Variants in ZSCAN21 observed in about 807,000 individuals in gnomAD.
The protein encoded by ZSCAN21 is zinc finger and SCAN domain-containing protein 21.
A neutral mutation model predicts 35.6 loss-of-function variants in ZSCAN21; 26 were observed. The ratio of observed to expected loss-of-function variants is 0.73; its 90% CI spans 0.54 to 1.01. ZSCAN21 has a LOEUF of 1.01. Ranked by LOEUF, ZSCAN21 falls within the 50% of genes least tolerant of loss-of-function variation. ZSCAN21 has a pLI of 0.00. For missense variants in ZSCAN21, 593 were observed against 587.1 expected (o/e 1.01, Z -0.10); for synonymous variants, 219 against 219.3 (o/e 1.00, Z 0.01).
intron 1 of ZSCAN21, among the ~76,000 whole-genome samples, chr7:100,056,468 AT>A (rs67965281): frequency 9.6e-4 from 142 of 147,258 alleles, no homozygotes; most frequent in Middle Eastern, 3.5e-3. Context: ...TTGCAGAAAG[AT>A]TTTTTTTTTT....
At chr7:100,051,143 A>C (rs1584366637) in intron 1 of ZSCAN21, among the ~76,000 whole-genome samples, 1 of 127,626 alleles carries the variant, frequency 7.8e-6, no homozygotes, top group Non-Finnish European at 1.6e-5. Context: ...GCGCCATTGC[A>C]CTCCAGCCTG....
In ZSCAN21 at chr7:100,064,931, T is replaced by C. The variant is rs373893832; in HGVS notation, c.*314T>C. 1 of 1,610,404 alleles carries C rather than the reference T, an allele frequency of 6.2e-7. No homozygotes were observed. Among genetic ancestry groups the C allele is most frequent in the African/African-American group, 1.3e-5 (1 of 74,932 alleles). ...ATCCAGTCTAGTTAAGGAAGAAACA[T>C]TAAGATTGTTTAATTTTTAACATAT... is the stretch of plus-strand genomic sequence containing the variant. On this transcript the variant is annotated 3_prime_UTR_variant, in exon 4 of 4. Transcript: ENST00000292450.
intron 3 of ZSCAN21, among the ~76,000 whole-genome samples, chr7:100,062,065 C>T (rs1431756819): frequency 1.3e-5 from 2 of 152,096 alleles, no homozygotes; most frequent in Admixed American, 6.6e-5. Context: ...TTGGAGATCA[C>T]GTGCTTTCAT....
At chr7:100,055,295 T>G (rs902382250) in intron 1 of ZSCAN21, among the ~76,000 whole-genome samples, 13 of 151,688 alleles carry the variant, frequency 8.6e-5, no homozygotes, top group Non-Finnish European at 1.3e-4. Context: ...GACAGAGTTT[T>G]GCTCTGTCAC....
chr7:100,060,775 G>A (rs767708400), intron 3 of ZSCAN21, among the ~76,000 whole-genome samples: 13 of 146,906 alleles, frequency 8.8e-5, no homozygotes, highest in African/African-American at 1.5e-4. Context: ...CAGGGGAATC[G>A]CTTGAACTTG....
chr7:100,056,966 C>T lies in ZSCAN21; in HGVS notation c.-41C>T. ...CCCAAAGGAACGAATATTCCTGCCC[C>T]ACAGAGTCCCATCTTTGGTGAGGCT... On this transcript the variant is annotated 5_prime_UTR_variant, in exon 2 of 4. Coordinates refer to ENST00000292450, the MANE Select transcript of ZSCAN21 (RefSeq NM_145914.3). The T allele has an allele frequency of 6.5e-7, 1 of 1,527,926 alleles. No homozygotes were observed. The highest frequency in any genetic ancestry group is 8.8e-7 in the Non-Finnish European group (1 of 1,137,846). 94.6% of individuals were successfully genotyped at this position (1,527,926 alleles called of 1,614,324 possible). A position where few individuals can be genotyped will look rare whatever the true frequency, so the allele number is the denominator to read the frequency against.
chr7:100,051,289 T>C (rs1180825640), intron 1 of ZSCAN21, among the ~76,000 whole-genome samples: 268 of 58,490 alleles, frequency 4.6e-3, no homozygotes, highest in African/African-American at 0.014. Flanking sequence ...TTTCTTTTTT[T>C]TTTTTTTTTT....
intron 1 of ZSCAN21, among the ~76,000 whole-genome samples, chr7:100,053,293 C>CA: frequency 6.6e-6 from 1 of 151,978 alleles, no homozygotes; most frequent in Admixed American, 6.6e-5. Flanking sequence ...ACCAAGTTCT[C>CA]AGAGTGTATC....
chr7:100,064,215 T>C lies in ZSCAN21; in HGVS notation c.1020T>C (p.Ala340=), dbSNP rs1792509993. Residue 340 remains alanine, a synonymous_variant, in exon 4 of 4, where the codon GCT becomes GCC. Transcript: ENST00000292450. ...CCTATGACTGTAAGTGTGGAAAAGC[T>C]TTTGGGCAGAGCTCAGACCTTCTTA... ...DRPYDCKCGK[A]FGQSSDLLKH... The C allele has an allele frequency of 1.9e-6, 3 of 1,613,956 alleles. No individual in the cohort carries two copies. The highest frequency in any genetic ancestry group is 2.5e-6 in the Non-Finnish European group (3 of 1,179,988).
At chr7:100,062,941 A>G (rs986769730) in intron 3 of ZSCAN21, among the ~76,000 whole-genome samples, 2 of 152,220 alleles carry the variant, frequency 1.3e-5, no homozygotes, top group African/African-American at 4.8e-5. Context: ...GGCCAGCACA[A>G]TCATGGCTCA....
intron 3 of ZSCAN21, among the ~76,000 whole-genome samples, chr7:100,061,776 T>C (rs1792298003): frequency 6.6e-6 from 1 of 152,170 alleles, no homozygotes; most frequent in African/African-American, 2.4e-5. Flanking sequence ...GGGCGGTTCC[T>C]AGGGAAGGGG....
Position 100,051,282 on chromosome 7 carries a change from C to CTTTTTTTTTTTTTTTTTTTTTTT in ZSCAN21, c.-97+1448_-97+1470dup, listed in dbSNP as rs1164734568. Reference sequence around the variant, plus strand: ...GGCTGCCTAGGGATCTAGGGATTTTCTTTTTTTTTTTTTTTTTTTTTTTTT... The same window carrying CTTTTTTTTTTTTTTTTTTTTTTT: ...GGCTGCCTAGGGATCTAGGGATTTTCTTTTTTTTTTTTTTTTTTTTTTTTTTTTTTTTTTTTTTTTTTTTTTTT... On this transcript the variant is annotated intron_variant, in intron 1 of 3. Transcript: ENST00000292450. 1.5e-3 allele frequency among the ~76,000 whole-genome samples: 53 copies of CTTTTTTTTTTTTTTTTTTTTTTT among 34,966 alleles called. 19 individuals carry two copies. Among genetic ancestry groups the CTTTTTTTTTTTTTTTTTTTTTTT allele is most frequent in the South Asian group, 3.6e-3 (2 of 554 alleles). The allele number at this position is 34,966 out of a possible 152,430, so 22.9% of individuals were successfully genotyped here. A position where few individuals can be genotyped will look rare whatever the true frequency, so the allele number is the denominator to read the frequency against.
At chr7:100,051,178 C>CAAAA (rs369246193) in intron 1 of ZSCAN21, among the ~76,000 whole-genome samples, 1,008 of 41,354 alleles carry the variant, frequency 0.024, 116 homozygotes, top group Non-Finnish European at 0.03. Flanking sequence ...AACTACGTCT[C>CAAAA]AAAAAAAAAA....
intron 1 of ZSCAN21, chr7:100,051,382 CT>C: frequency 7.1e-6 from 1 of 141,430 alleles, no homozygotes; most frequent in East Asian, 2.3e-4. Flanking sequence ...CAAGCTCCGC[CT>C]CCCGGGTTCT....
chr7:100,050,458 G>A (rs1197720027), intron 1 of ZSCAN21, among the ~76,000 whole-genome samples: 1 of 152,036 alleles, frequency 6.6e-6, no homozygotes, highest in Non-Finnish European at 1.5e-5. Context: ...TGTAATCCCA[G>A]CAGTTCGGGA....
rs779169598 is a variant in ZSCAN21 at position 100,064,936 on chromosome 7, ATTGT to A, written c.*322_*325del. 1.9e-5 allele frequency: 31 copies of A among 1,610,618 alleles called. No individual in the cohort carries two copies. The highest frequency in any genetic ancestry group is 2.5e-5 in the Non-Finnish European group (29 of 1,178,282). On this transcript the variant is annotated 3_prime_UTR_variant, in exon 4 of 4. Coordinates refer to ENST00000292450, the MANE Select transcript of ZSCAN21 (RefSeq NM_145914.3). ...GTCTAGTTAAGGAAGAAACATTAAG[ATTGT>A]TTAATTTTTAACATATATTCAAGAA...
rs767375996 is a variant in ZSCAN21 at position 100,064,429 on chromosome 7, G to T, written c.1234G>T (p.Gly412Ter). The T allele has an allele frequency of 1.2e-6, 2 of 1,613,972 alleles. No individual in the cohort carries two copies. The highest frequency in any genetic ancestry group is 1.7e-6 in the Non-Finnish European group (2 of 1,180,008). Reference sequence around the variant, plus strand: ...CAGCTCCCACCAGAGACTCCACACCGGAGAGAAGCCATATAAGTGTAAGGA... The same window carrying T: ...CAGCTCCCACCAGAGACTCCACACCTGAGAGAAGCCATATAAGTGTAAGGA... ...GLSSHQRLHT[G>*]EKPYKCKECG... is the part of the protein sequence containing the mutation. Residue 412 changes from glycine to a stop codon, truncating the protein, a stop_gained, in exon 4 of 4, where the codon GGA (glycine) becomes TGA (stop). Transcript: ENST00000292450. LOFTEE classifies it high-confidence loss of function.
At chr7:100,056,833 C>A in intron 1 of ZSCAN21, 78 bp from the exon 2 acceptor site, 2 of 618,704 alleles carry the variant, frequency 3.2e-6, no homozygotes, top group Non-Finnish European at 2.7e-6. Context: ...TCCACAATTT[C>A]TTGTGTTAAA....
At chr7:100,062,354 G>A (rs1384984604) in intron 3 of ZSCAN21, among the ~76,000 whole-genome samples, 1 of 149,426 alleles carries the variant, frequency 6.7e-6, no homozygotes, top group African/African-American at 2.5e-5. Flanking sequence ...ACTTCGGGAG[G>A]CTGAGGCGGG....
Sources: gnomAD v4.1 joint callset for allele counts (sites outside exome capture counted in the v4.1 genomes callset) on GRCh38, gnomAD v4.1.1 for gene constraint, MANE v1.5 for transcripts, NCBI Gene and HGNC (gene_info 2026-07-23, HGNC 2026-07-21) for gene names.